Variants in SPOCK3 observed in about 807,000 individuals in gnomAD.
The protein encoded by SPOCK3 is SPARC (osteonectin), cwcv and kazal like domains proteoglycan 3, also known as testican-3.
A neutral mutation model predicts 56.6 loss-of-function variants in SPOCK3; 30 were observed. The observed-to-expected ratio is 0.53, with a 90% CI of 0.40 to 0.72. The LOEUF (loss-of-function observed/expected upper bound fraction) is 0.72, where lower values mean the gene tolerates loss of function less well. SPOCK3 is among the 30% of genes least tolerant of loss of function. The pLI, the probability that SPOCK3 is intolerant of heterozygous loss-of-function variation, is 0.00. For missense variants in SPOCK3, 527 were observed against 530.0 expected (o/e 0.99, Z 0.06); for synonymous variants, 196 against 183.3 (o/e 1.07, Z -0.56).
At chr4:167,173,008 T>C (rs1410910910) in intron 2 of SPOCK3, among the ~76,000 whole-genome samples, 1 of 152,182 alleles carries the variant, frequency 6.6e-6, no homozygotes, top group Non-Finnish European at 1.5e-5. Flanking sequence ...TGGAAATGTA[T>C]AGAGCCATAT....
chr4:167,000,273 C>T, intron 4 of SPOCK3, 76 bp downstream of exon 4: 1 of 662,546 alleles, frequency 1.5e-6, no homozygotes, highest in Non-Finnish European at 2.5e-6. Flanking sequence ...CAGGCACTGC[C>T]AAATATTTAT....
At chr4:167,074,301 G>C (rs1273607149) in intron 2 of SPOCK3, among the ~76,000 whole-genome samples, 1 of 151,914 alleles carries the variant, frequency 6.6e-6, no homozygotes, top group African/African-American at 2.4e-5. Context: ...CTGAGTATCA[G>C]AAATCTGGGC....
In SPOCK3 at chr4:166,742,234, C is replaced by CATCTATCTATCT. The variant is rs3077121; in HGVS notation, c.932-187_932-176dup. Among the ~76,000 whole-genome samples the CATCTATCTATCT allele has an allele frequency of 4.7e-3, 577 of 121,940 alleles. 1 individual carries two copies. Among genetic ancestry groups the CATCTATCTATCT allele is most frequent in the Middle Eastern group, 0.027 (7 of 262 alleles). 80.0% of individuals were successfully genotyped at this position (121,940 alleles called of 152,430 possible). ...TAGGTACATACATGTGTCTATCTAT[C>CATCTATCTATCT]ATCTATCTATCTATCTATCTATCTA... On this transcript the variant is annotated intron_variant, in intron 8 of 10. Coordinates refer to ENST00000357545, the MANE Select transcript of SPOCK3 (RefSeq NM_001040159.2).
intron 2 of SPOCK3, among the ~76,000 whole-genome samples, chr4:167,195,723 A>G (rs754868763): frequency 2.6e-5 from 4 of 152,170 alleles, no homozygotes; most frequent in Non-Finnish European, 5.9e-5. Context: ...CGCATTGCAG[A>G]TGTGTTCACA....
At chr4:167,007,801 G>A (rs756733687) in intron 3 of SPOCK3, among the ~76,000 whole-genome samples, 13 of 152,156 alleles carry the variant, frequency 8.5e-5, no homozygotes, top group Non-Finnish European at 1.6e-4. Flanking sequence ...TGATGCTTTT[G>A]TCAACAGCTT....
chr4:166,751,007 A>G (rs2126470491), intron 8 of SPOCK3, among the ~76,000 whole-genome samples: 1 of 148,060 alleles, frequency 6.8e-6, no homozygotes, highest in Admixed American at 7.0e-5. Flanking sequence ...GAATTGCACT[A>G]TCAATGGTGC....
chr4:167,172,986 T>C (rs563501516), intron 2 of SPOCK3, among the ~76,000 whole-genome samples: 3 of 152,254 alleles, frequency 2.0e-5, no homozygotes, highest in Non-Finnish European at 2.9e-5. Context: ...ATATTCTCTA[T>C]ATTAATTAGG....
intron 4 of SPOCK3, among the ~76,000 whole-genome samples, chr4:166,975,837 G>C (rs575904262): frequency 3.8e-4 from 58 of 152,208 alleles, no homozygotes; most frequent in African/African-American, 8.9e-4. Context: ...TGTTAGAAAT[G>C]ACAGGATCTC....
chr4:166,832,217 C>T (rs560286594), intron 6 of SPOCK3, among the ~76,000 whole-genome samples: 2 of 151,956 alleles, frequency 1.3e-5, no homozygotes, highest in Admixed American at 1.3e-4. Context: ...TAGTTTGAGG[C>T]CTTACATTTA....
At chr4:167,115,077 A>G (rs891235680) in intron 2 of SPOCK3, among the ~76,000 whole-genome samples, 2 of 152,164 alleles carry the variant, frequency 1.3e-5, no homozygotes, top group Non-Finnish European at 2.9e-5. Context: ...GGGAAACATA[A>G]TATTTGATAT....
intron 2 of SPOCK3, among the ~76,000 whole-genome samples, chr4:167,176,189 T>C (rs1442107459): frequency 6.6e-6 from 1 of 152,140 alleles, no homozygotes; most frequent in Non-Finnish European, 1.5e-5. Context: ...TGTGATTACA[T>C]TGGGCCACAA....
rs373011986 is a variant in SPOCK3, at chr4:167,053,615, G to A, written c.235+8877C>T. Among the ~76,000 whole-genome samples the A allele has an allele frequency of 4.6e-4, 70 of 152,108 alleles. 1 individual carries two copies. Among genetic ancestry groups the A allele is most frequent in the African/African-American group, 1.5e-3 (63 of 41,470 alleles). On this transcript the variant is annotated intron_variant, in intron 3 of 10. Transcript: ENST00000357545. Reference sequence around the variant, plus strand: ...CAGGAGAATTGCTTGAACCCAGGAGGTAGAGGTTGCAATGAGCCGAGATCA... The same window carrying A: ...CAGGAGAATTGCTTGAACCCAGGAGATAGAGGTTGCAATGAGCCGAGATCA...
chr4:167,176,917 C>T (rs1270763554), intron 2 of SPOCK3, among the ~76,000 whole-genome samples: 1 of 152,098 alleles, frequency 6.6e-6, no homozygotes, highest in East Asian at 1.9e-4. Flanking sequence ...GTACTAAGTG[C>T]AAGGACTATG....
At chr4:166,940,464 G>A (rs533633910) in intron 4 of SPOCK3, among the ~76,000 whole-genome samples, 29 of 151,934 alleles carry the variant, frequency 1.9e-4, no homozygotes, top group South Asian at 6.2e-4. Context: ...CATGGTGACC[G>A]TACAATCAAC....
intron 4 of SPOCK3, among the ~76,000 whole-genome samples, chr4:166,974,220 C>G (rs573142376): frequency 6.6e-6 from 1 of 152,058 alleles, no homozygotes; most frequent in East Asian, 1.9e-4. Flanking sequence ...TTTACCTCAT[C>G]ATGCAAAATC....
chr4:166,816,172 C>A (rs1045707382), intron 6 of SPOCK3, among the ~76,000 whole-genome samples: 1 of 151,950 alleles, frequency 6.6e-6, no homozygotes, highest in Non-Finnish European at 1.5e-5. Flanking sequence ...TAATTCATTT[C>A]AAATTCATTT....
intron 3 of SPOCK3, among the ~76,000 whole-genome samples, chr4:167,058,421 T>C (rs991281432): frequency 7.2e-5 from 11 of 151,992 alleles, no homozygotes; most frequent in Non-Finnish European, 1.0e-4. Context: ...GAGAATAAAA[T>C]ACCTAGGAAT....
At chr4:167,102,001 T>C (rs1759696260) in intron 2 of SPOCK3, among the ~76,000 whole-genome samples, 1 of 151,976 alleles carries the variant, frequency 6.6e-6, no homozygotes, top group Admixed American at 6.6e-5. Context: ...CCTGGCCCTC[T>C]TACTTTTTTT....
chr4:166,979,014 A>G (rs934788745), intron 4 of SPOCK3, among the ~76,000 whole-genome samples: 1 of 152,226 alleles, frequency 6.6e-6, no homozygotes, highest in Non-Finnish European at 1.5e-5. Context: ...AAATTACAAT[A>G]AGAACAATCA....
Sources: gnomAD v4.1 joint callset for allele counts (sites outside exome capture counted in the v4.1 genomes callset) on GRCh38, gnomAD v4.1.1 for gene constraint, MANE v1.5 for transcripts, NCBI Gene and HGNC (gene_info 2026-07-23, HGNC 2026-07-21) for gene names.